Variants in CSMD1 observed in about 807,000 individuals in gnomAD.
CSMD1 encodes the protein CUB and sushi domain-containing protein 1.
In CSMD1, 213 loss-of-function variants were observed where a neutral mutation model predicts 417.5. That is an observed-to-expected ratio of 0.51 (90% CI 0.46 to 0.57). The LOEUF is 0.57. Among genes scored for constraint, CSMD1 ranks in the 20% least tolerant of loss-of-function variants. CSMD1 has a pLI of 0.00. For synonymous variants in CSMD1, 2,862 were observed against 1,736.8 expected (o/e 1.65, Z -16.11); for missense variants, 6,923 against 4,529.7 (o/e 1.53, Z -15.17).
intron 10 of CSMD1, among the ~76,000 whole-genome samples, chr8:3,498,025 T>G: frequency 6.6e-6 from 1 of 152,232 alleles, no homozygotes; most frequent in East Asian, 1.9e-4. Flanking sequence ...CATCCGGGAA[T>G]AATTTTATTC....
chr8:4,217,103 T>G (rs1244177674), intron 3 of CSMD1, among the ~76,000 whole-genome samples: 1 of 152,198 alleles, frequency 6.6e-6, no homozygotes, highest in Non-Finnish European at 1.5e-5. Flanking sequence ...GGGCTGACAT[T>G]TTAGTTGGTG....
At chr8:3,966,318 G>T (rs773608159) in intron 5 of CSMD1, among the ~76,000 whole-genome samples, 1 of 152,258 alleles carries the variant, frequency 6.6e-6, no homozygotes, top group South Asian at 2.1e-4. Context: ...AAGAGGGAAA[G>T]AAATAGCATC....
intron 1 of CSMD1, among the ~76,000 whole-genome samples, chr8:4,840,822 T>C (rs1800798871): frequency 6.6e-6 from 1 of 152,228 alleles, no homozygotes; most frequent in African/African-American, 2.4e-5. Flanking sequence ...GGATTAAGTA[T>C]AGAATCATGA....
intron 3 of CSMD1, among the ~76,000 whole-genome samples, chr8:4,362,150 G>T (rs1038626989): frequency 1.4e-4 from 22 of 152,116 alleles, no homozygotes; most frequent in African/African-American, 5.3e-4. Context: ...ATGACAGAGG[G>T]TAATTCAATT....
intron 5 of CSMD1, among the ~76,000 whole-genome samples, chr8:3,880,037 C>G (rs777546390): frequency 1.2e-4 from 18 of 149,632 alleles, no homozygotes; most frequent in Non-Finnish European, 1.6e-4. Flanking sequence ...ATAAAATCCT[C>G]GAAGATTATA....
At chr8:3,716,302 A>G (rs542671378) in intron 6 of CSMD1, among the ~76,000 whole-genome samples, 34 of 152,328 alleles carry the variant, frequency 2.2e-4, no homozygotes, top group African/African-American at 7.5e-4. Flanking sequence ...TCCACAGACT[A>G]AAGTGAAAGC....
intron 23 of CSMD1, among the ~76,000 whole-genome samples, chr8:3,335,741 A>C (rs1807216671): frequency 6.6e-6 from 1 of 152,208 alleles, no homozygotes; most frequent in Admixed American, 6.5e-5. Context: ...AATGTCACCT[A>C]AGAGTAGAGC....
At chr8:3,021,699 C>T (rs1809413659) in intron 51 of CSMD1, among the ~76,000 whole-genome samples, 1 of 116,208 alleles carries the variant, frequency 8.6e-6, no homozygotes, top group Non-Finnish European at 1.9e-5. Context: ...ACCTGCAATC[C>T]CACAGCATCT....
At chr8:4,354,329 A>G (rs1013326162) in intron 3 of CSMD1, among the ~76,000 whole-genome samples, 28 of 152,160 alleles carry the variant, frequency 1.8e-4, no homozygotes, top group African/African-American at 6.8e-4. Context: ...CAACTGTATA[A>G]TCTCTTTTGA....
At chr8:4,237,309 G>T (rs192100273) in intron 3 of CSMD1, among the ~76,000 whole-genome samples, 3 of 152,238 alleles carry the variant, frequency 2.0e-5, no homozygotes, top group Admixed American at 2.0e-4. Context: ...GAGAGGGAAT[G>T]TTAACTCCTT....
At chr8:3,405,957 G>C (rs946445807) in intron 15 of CSMD1, 70 bp downstream of exon 15, 6 of 1,459,740 alleles carry the variant, frequency 4.1e-6, no homozygotes, top group African/African-American at 2.8e-5. Flanking sequence ...CAGTTTGTTG[G>C]TTTGTGTGTG....
chr8:3,066,990 T>C (rs1812976612), intron 49 of CSMD1, among the ~76,000 whole-genome samples: 2 of 152,190 alleles, frequency 1.3e-5, no homozygotes, highest in South Asian at 4.1e-4. Context: ...CTGACGAAAA[T>C]CCACAAAGGC....
intron 2 of CSMD1, among the ~76,000 whole-genome samples, chr8:4,465,877 A>T (rs566508543): frequency 6.6e-6 from 1 of 152,318 alleles, no homozygotes; most frequent in East Asian, 1.9e-4. Flanking sequence ...TTGTATCTGG[A>T]AGTGGCTGAC....
chr8:3,769,490 G>A (rs189962574), intron 5 of CSMD1, among the ~76,000 whole-genome samples: 1 of 123,430 alleles, frequency 8.1e-6, no homozygotes, highest in African/African-American at 2.6e-5. Flanking sequence ...TGAGAAAATA[G>A]AGGATAAAAA....
chr8:3,193,669 T>C (rs1796547077), intron 33 of CSMD1, among the ~76,000 whole-genome samples: 1 of 152,276 alleles, frequency 6.6e-6, no homozygotes, highest in South Asian at 2.1e-4. Context: ...TGAGCAGGAA[T>C]GAGGTCAGCC....
chr8:3,576,807 G>T (rs1800169476), intron 9 of CSMD1, among the ~76,000 whole-genome samples: 2 of 152,126 alleles, frequency 1.3e-5, no homozygotes, highest in African/African-American at 2.4e-5. Context: ...AAATCTTAAA[G>T]CCCTCTAATA....
intron 3 of CSMD1, among the ~76,000 whole-genome samples, chr8:4,304,132 T>C (rs1798126149): frequency 6.6e-6 from 1 of 152,178 alleles, no homozygotes; most frequent in Non-Finnish European, 1.5e-5. Flanking sequence ...AGGCTACTAT[T>C]TGAATTTTCA....
chr8:4,781,068 T>C (rs1206038841), intron 1 of CSMD1, among the ~76,000 whole-genome samples: 1 of 152,222 alleles, frequency 6.6e-6, no homozygotes, highest in Non-Finnish European at 1.5e-5. Flanking sequence ...CCTTTCTGTG[T>C]CCCGCCGTCT....
At chr8:4,032,578 C>A (rs2740920) in intron 3 of CSMD1, among the ~76,000 whole-genome samples, 7 of 151,960 alleles carry the variant, frequency 4.6e-5, no homozygotes, top group African/African-American at 1.7e-4. Context: ...CATTACCCAA[C>A]GCTCAATCAA....
Sources: allele counts gnomAD v4.1 joint callset (sites outside exome capture counted in the v4.1 genomes callset), GRCh38; gene constraint gnomAD v4.1.1; transcripts MANE v1.5; gene names NCBI Gene and HGNC (gene_info 2026-07-23, HGNC 2026-07-21).